GBA2: variants seen among roughly 807,000 people sequenced by gnomAD.
GBA2 encodes the protein glucosylceramidase beta 2, also known as non-lysosomal glucosylceramidase.
GBA2 carries 79 observed loss-of-function variants against 112.9 expected under a neutral mutation model. The observed-to-expected ratio is 0.70, with a 90% CI of 0.58 to 0.84. GBA2 has a LOEUF of 0.84. Ranked by LOEUF, GBA2 falls within the 40% of genes least tolerant of loss-of-function variation. The pLI, the probability that GBA2 is intolerant of heterozygous loss-of-function variation, is 0.00. For missense variants in GBA2, 1,043 were observed against 1,190.0 expected (o/e 0.88, Z 1.82); for synonymous variants, 403 against 434.3 (o/e 0.93, Z 0.90).
rs1265673091 is a variant in GBA2 at position 35,737,928 on chromosome 9, G to T, written c.2325C>A (p.Thr775=). The T allele has an allele frequency of 1.5e-5, 24 of 1,610,550 alleles. 1 individual carries two copies. The East Asian group carries it at 4.5e-4, about 30-fold the overall frequency. Residue 775 remains threonine, a synonymous_variant, in exon 16 of 17, where the codon ACC becomes ACA. Coordinates refer to ENST00000378103, the MANE Select transcript of GBA2 (RefSeq NM_020944.3). This position sits in a 1 kb window ranked among gnomAD's most constrained non-coding sequence, Gnocchi z 4.1. ...TTTGGAGAGCACGGACCACATGTTGGGTAGGAAACACCTGGAGGGGCAAGG... is the reference window on the plus strand; with the variant it reads ...TTTGGAGAGCACGGACCACATGTTGTGTAGGAAACACCTGGAGGGGCAAGG... The part of the protein sequence containing the change: ...LGEGDTEVFP[T]QHVVRALQTI...
chr9:35,742,830 T>A (rs1826771014), intron 3 of GBA2, among the ~76,000 whole-genome samples: 1 of 152,238 alleles, frequency 6.6e-6, no homozygotes, highest in Non-Finnish European at 1.5e-5. Flanking sequence ...AATATCCCTT[T>A]CCCTGGTTCA....
At chr9:35,739,915 CTT>C (rs1482884102) in intron 8 of GBA2, 81 bp downstream of exon 8, 1 of 1,570,584 alleles carries the variant, frequency 6.4e-7, no homozygotes, top group African/African-American at 1.3e-5. Context: ...AGTCTACTGA[CTT>C]TGGTGGGTGG....
Position 35,749,154 on chromosome 9 carries a change from C to T in GBA2, c.-450G>A, listed in dbSNP as rs1827162978. 3.5e-6 allele frequency: 1 copy of T among 283,350 alleles called. No homozygotes were observed. Among genetic ancestry groups the T allele is most frequent in the South Asian group, 2.6e-5 (1 of 38,234 alleles). The allele number at this position is 283,350 out of a possible 1,614,324, so 17.6% of individuals were successfully genotyped here. On this transcript the variant is annotated 5_prime_UTR_variant, in exon 1 of 17. Coordinates refer to ENST00000378103, the MANE Select transcript of GBA2 (RefSeq NM_020944.3). This position sits in a 1 kb window ranked among gnomAD's most constrained non-coding sequence, Gnocchi z 4.4. Reference sequence around the variant, plus strand: ...CAGGTCCCGCCGGCCGGCTCCGGGGCAGCGCCCGCGCCCAGGTGCCAGCCC... The same window carrying T: ...CAGGTCCCGCCGGCCGGCTCCGGGGTAGCGCCCGCGCCCAGGTGCCAGCCC...
Position 35,739,317 on chromosome 9 carries a change from A to G in GBA2, c.1685T>C (p.Met562Thr), listed in dbSNP as rs1018215095. Residue 562 changes from methionine to threonine, a missense_variant and splice_region_variant, in exon 10 of 17, where the codon ATG (methionine) becomes ACG (threonine). Coordinates refer to ENST00000378103, the MANE Select transcript of GBA2 (RefSeq NM_020944.3). ...PKLELSLQYD[M>T]ALATLREDLT... Reference sequence around the variant, plus strand: ...AGCGGCACAAAAGGGATCCTCACCCATGTCATACTGTAGGCTGAGCTCAAG... The same window carrying G: ...AGCGGCACAAAAGGGATCCTCACCCGTGTCATACTGTAGGCTGAGCTCAAG... 3 of 1,597,668 alleles carry G rather than the reference A, an allele frequency of 1.9e-6. No individual in the cohort carries two copies. Among genetic ancestry groups the G allele is most frequent in the South Asian group, 2.2e-5 (2 of 90,794 alleles).
intron 3 of GBA2, among the ~76,000 whole-genome samples, chr9:35,743,920 T>G (rs918510395): frequency 1.3e-5 from 2 of 152,054 alleles, no homozygotes; most frequent in Non-Finnish European, 2.9e-5. Context: ...TCCCATGAGT[T>G]TATAGACTTT....
In GBA2 at chr9:35,737,401, G is replaced by A. The variant is rs1826273148; in HGVS notation, c.2552C>T (p.Thr851Ile). 2 of 1,614,004 alleles carry A rather than the reference G, an allele frequency of 1.2e-6. No homozygotes were observed. The highest frequency in any genetic ancestry group is 1.7e-6 in the Non-Finnish European group (2 of 1,179,990). ...GFQTAEGCYR[T>I]VWERLGLAFQ... Reference sequence around the variant, plus strand: ...GGCCAGACCCAGGCGCTCCCACACGGTACGGTAGCAGCCTTCAGCTGTCTG... The same window carrying A: ...GGCCAGACCCAGGCGCTCCCACACGATACGGTAGCAGCCTTCAGCTGTCTG... Residue 851 changes from threonine to isoleucine, a missense_variant, in exon 17 of 17, where the codon ACC becomes ATC. Transcript: ENST00000378103. This position sits in a 1 kb window ranked among gnomAD's most constrained non-coding sequence, Gnocchi z 4.1.
Position 35,741,706 on chromosome 9 carries a change from CG to C in GBA2, c.751del (p.Arg251ValfsTer18), listed in dbSNP as rs1563963589. 6.2e-7 allele frequency: 1 copy of C among 1,613,228 alleles called. No homozygotes were observed. Among genetic ancestry groups the C allele is most frequent in the Admixed American group, 1.7e-5 (1 of 60,028 alleles). ...ATGGGGCAAGATGGGTGTGATCTGACGGCAGGTGAGGGTGACATTCTGGCCA... is the reference window on the plus strand; with the variant it reads ...ATGGGGCAAGATGGGTGTGATCTGACGCAGGTGAGGGTGACATTCTGGCCA... ...LPGQNVTLTC[R>X]QITPILPHDY... On this transcript the variant is annotated frameshift_variant, in exon 4 of 17. Transcript: ENST00000378103. LOFTEE classifies it high-confidence loss of function. This position sits in a 1 kb window ranked among gnomAD's most constrained non-coding sequence, Gnocchi z 4.6.
At position 35,748,307 on chromosome 9, in the gene GBA2, G is replaced by C. The variant is rs759130568; in HGVS notation, c.359+39C>G. 11 of 1,289,678 alleles carry C rather than the reference G, an allele frequency of 8.5e-6. No individual in the cohort carries two copies. In the African/African-American group the frequency reaches 1.6e-4, roughly 19 times the overall value. 79.9% of individuals were successfully genotyped at this position (1,289,678 alleles called of 1,614,324 possible). On this transcript the variant is annotated intron_variant, in intron 1 of 16. Transcript: ENST00000378103. ...GCTAGAAGTTTTGAGCTGGAACAAAGTGAAGCCAAAGGCATTCTAGGCAAT... is the reference window on the plus strand; with the variant it reads ...GCTAGAAGTTTTGAGCTGGAACAAACTGAAGCCAAAGGCATTCTAGGCAAT...
chr9:35,737,544 G>A lies in GBA2; in HGVS notation c.2506-97C>T, dbSNP rs1257972053. 11 of 1,558,870 alleles carry A rather than the reference G, an allele frequency of 7.1e-6. No individual in the cohort carries two copies. The East Asian group carries it at 2.2e-4, about 31-fold the overall frequency. ...GAGGCAGTAGAGTCTTTGCCTTCAA[G>A]GAGCTCCCAGCAAGTGGAGGAGATA... On this transcript the variant is annotated intron_variant, in intron 16 of 16. Coordinates refer to ENST00000378103, the MANE Select transcript of GBA2 (RefSeq NM_020944.3). This position sits in a 1 kb window ranked among gnomAD's most constrained non-coding sequence, Gnocchi z 4.1.
At position 35,741,128 on chromosome 9, in the gene GBA2, G is replaced by C; in HGVS notation, c.787-64C>G. The C allele has an allele frequency of 1.3e-6, 2 of 1,580,096 alleles. No individual in the cohort carries two copies. Among genetic ancestry groups the C allele is most frequent in the Non-Finnish European group, 1.7e-6 (2 of 1,158,198 alleles). On this transcript the variant is annotated intron_variant, in intron 4 of 16. Transcript: ENST00000378103. This position sits in a 1 kb window ranked among gnomAD's most constrained non-coding sequence, Gnocchi z 4.6. ...GCGCCTCCTGACCCCACTCTGCTAG[G>C]ATCAGTCCTGGGCACACAGAGGACC...
In GBA2 at chr9:35,748,750, C is replaced by T; in HGVS notation, c.-46G>A. On this transcript the variant is annotated 5_prime_UTR_variant, in exon 1 of 17. Transcript: ENST00000378103. ...CCGAGCCCTCGGATACTAAGTATCT[C>T]GCCAGCCTATTCCAGATGCGGGCGC... is the stretch of plus-strand genomic sequence containing the variant. The T allele has an allele frequency of 8.2e-7, 1 of 1,217,594 alleles. No individual in the cohort carries two copies. The highest frequency in any genetic ancestry group is 1.2e-6 in the Non-Finnish European group (1 of 868,962). The allele number at this position is 1,217,594 out of a possible 1,614,324, so 75.4% of individuals were successfully genotyped here.
rs1341005657 is a variant in GBA2 at position 35,736,960 on chromosome 9, CAG to C, written c.*207_*208del. ...GACCTCCCTGAACATTTCACGCAGT[CAG>C]GGAACAGGTGAGGAAAGAAATAAAT... On this transcript the variant is annotated 3_prime_UTR_variant, in exon 17 of 17. Transcript: ENST00000378103. The C allele has an allele frequency of 1.2e-6, 1 of 830,124 alleles. No homozygotes were observed. The highest frequency in any genetic ancestry group is 1.8e-6 in the Non-Finnish European group (1 of 546,270). The allele number at this position is 830,124 out of a possible 1,614,324, so 51.4% of individuals were successfully genotyped here.
At position 35,738,645 on chromosome 9, in the gene GBA2, C is replaced by T; in HGVS notation, c.1948-13G>A. 1.2e-6 allele frequency: 2 copies of T among 1,606,676 alleles called. No homozygotes were observed. The highest frequency in any genetic ancestry group is 1.7e-6 in the Non-Finnish European group (2 of 1,173,268). Reference sequence around the variant, plus strand: ...ATTCCATCACAGCCTAGAGAGGGACCAAGATGTTGAAGACCTAGGTACCGA... The same window carrying T: ...ATTCCATCACAGCCTAGAGAGGGACTAAGATGTTGAAGACCTAGGTACCGA... On this transcript the variant is annotated splice_polypyrimidine_tract_variant and intron_variant, in intron 12 of 16. Coordinates refer to ENST00000378103, the MANE Select transcript of GBA2 (RefSeq NM_020944.3).
In GBA2 at chr9:35,739,813, G is replaced by A. The variant is rs371171845; in HGVS notation, c.1410-13C>T. On this transcript the variant is annotated splice_polypyrimidine_tract_variant and intron_variant, in intron 8 of 16. Coordinates refer to ENST00000378103, the MANE Select transcript of GBA2 (RefSeq NM_020944.3). ...GGCAGGCAGTGATCTGGGAAGCGAG[G>A]AGGAGGAAATGGTTTAAGGAACATG... The A allele has an allele frequency of 3.1e-6, 5 of 1,612,982 alleles. No individual in the cohort carries two copies. The African/African-American group carries it at 6.7e-5, about 22-fold the overall frequency.
intron 3 of GBA2, 71 bp downstream of exon 3, chr9:35,744,226 A>G (rs1270583267): frequency 2.4e-6 from 2 of 836,348 alleles, no homozygotes; most frequent in East Asian, 2.5e-5. Flanking sequence ...TACCTTCTAC[A>G]CTAGCCAAGA....
In GBA2 at chr9:35,749,028, A is replaced by G. The variant is rs1033638741; in HGVS notation, c.-324T>C. ...CAGAGAGGGGAGGAGCCGCGGGGCC[A>G]GCCCACCAGGCACCGCCCCGGGACG... On this transcript the variant is annotated 5_prime_UTR_variant, in exon 1 of 17. Transcript: ENST00000378103. The surrounding 1 kb of genome is among the most constrained non-coding windows in gnomAD (Gnocchi z 4.4). The G allele has an allele frequency of 2.6e-4, 55 of 212,998 alleles. No homozygotes were observed. Among genetic ancestry groups the G allele is most frequent in the African/African-American group, 1.2e-3 (51 of 43,258 alleles). The allele number at this position is 212,998 out of a possible 1,614,324, so 13.2% of individuals were successfully genotyped here. A position where few individuals can be genotyped will look rare whatever the true frequency, so the allele number is the denominator to read the frequency against.
chr9:35,737,716 A>G lies in GBA2; in HGVS notation c.2505+32T>C, dbSNP rs766366640. On this transcript the variant is annotated intron_variant, in intron 16 of 16. Coordinates refer to ENST00000378103, the MANE Select transcript of GBA2 (RefSeq NM_020944.3). This position sits in a 1 kb window ranked among gnomAD's most constrained non-coding sequence, Gnocchi z 4.1. ...GGAAGTTTTCTGGGCCAGGATACAG[A>G]TGGTGGAGAGATGGGAAAAGGAGTG... 14 of 1,611,580 alleles carry G rather than the reference A, an allele frequency of 8.7e-6. No individual in the cohort carries two copies. In the South Asian group the frequency reaches 1.4e-4, roughly 16 times the overall value.
Position 35,740,681 on chromosome 9 carries a change from C to T in GBA2, c.1027-53G>A, listed in dbSNP as rs553194900. On this transcript the variant is annotated intron_variant, in intron 5 of 16. Transcript: ENST00000378103. The surrounding 1 kb of genome is among the most constrained non-coding windows in gnomAD (Gnocchi z 4.7). ...CAGGCTCCACGAGTACACTGGGTCC[C>T]GGCTAGCTCCCCAGCTCCTCTTACT... 28 of 1,528,072 alleles carry T rather than the reference C, an allele frequency of 1.8e-5. No homozygotes were observed. Among genetic ancestry groups the T allele is most frequent in the African/African-American group, 1.1e-4 (8 of 73,286 alleles). The allele number at this position is 1,528,072 out of a possible 1,614,324, so 94.7% of individuals were successfully genotyped here.
rs759451328 is a variant in GBA2 at position 35,748,745 on chromosome 9, T to C, written c.-41A>G. ...AAGTCCCGAGCCCTCGGATACTAAGTATCTCGCCAGCCTATTCCAGATGCG... is the reference window on the plus strand; with the variant it reads ...AAGTCCCGAGCCCTCGGATACTAAGCATCTCGCCAGCCTATTCCAGATGCG... On this transcript the variant is annotated 5_prime_UTR_variant, in exon 1 of 17. It adds an upstream start codon to the 5' untranslated region. Coordinates refer to ENST00000378103, the MANE Select transcript of GBA2 (RefSeq NM_020944.3). 4 of 1,257,082 alleles carry C rather than the reference T, an allele frequency of 3.2e-6. No homozygotes were observed. Among genetic ancestry groups the C allele is most frequent in the Non-Finnish European group, 4.4e-6 (4 of 900,702 alleles). 77.9% of individuals were successfully genotyped at this position (1,257,082 alleles called of 1,614,324 possible).
Sources: allele counts gnomAD v4.1 joint callset (sites outside exome capture counted in the v4.1 genomes callset), GRCh38; gene constraint gnomAD v4.1.1; non-coding constraint Gnocchi (gnomAD v3.1); transcripts MANE v1.5; gene names NCBI Gene and HGNC (gene_info 2026-07-23, HGNC 2026-07-21).